Variants in TNS3 observed in about 807,000 individuals in gnomAD.
TNS3 encodes the protein tensin-3.
TNS3 carries 45 observed loss-of-function variants against 140.9 expected under a neutral mutation model. The observed-to-expected ratio is 0.32, with a 90% confidence interval of 0.25 to 0.41. The LOEUF is 0.41. Ranked by LOEUF, TNS3 falls within the 10% of genes least tolerant of loss-of-function variation. The pLI is 1.00. For missense variants in TNS3, 1,716 were observed against 1,906.7 expected (o/e 0.90, Z 1.86); for synonymous variants, 815 against 788.4 (o/e 1.03, Z -0.56).
intron 1 of TNS3, among the ~76,000 whole-genome samples, chr7:47,531,621 T>C (rs1799406535): frequency 6.6e-6 from 1 of 152,226 alleles, no homozygotes; most frequent in Non-Finnish European, 1.5e-5. Context: ...ATGTGACATA[T>C]GTAAAAGTAA....
At chr7:47,393,965 CAG>C (rs1792679862) in intron 16 of TNS3, among the ~76,000 whole-genome samples, 1 of 152,138 alleles carries the variant, frequency 6.6e-6, no homozygotes, top group Non-Finnish European at 1.5e-5. Flanking sequence ...CTCGGTGACA[CAG>C]AGTCCCGAGT....
At chr7:47,492,745 G>C (rs1012870946) in intron 3 of TNS3, among the ~76,000 whole-genome samples, 4 of 152,216 alleles carry the variant, frequency 2.6e-5, no homozygotes, top group Non-Finnish European at 4.4e-5. Flanking sequence ...ACAGTTTTCC[G>C]AGGCTTTTAA....
chr7:47,280,685 G>T (rs937202858), intron 28 of TNS3, among the ~76,000 whole-genome samples: 1 of 152,102 alleles, frequency 6.6e-6, no homozygotes, highest in Non-Finnish European at 1.5e-5. Flanking sequence ...AGGCTGAGGC[G>T]GGTTGATCAC....
At chr7:47,495,774 G>T (rs1277771427) in intron 3 of TNS3, among the ~76,000 whole-genome samples, 1 of 152,216 alleles carries the variant, frequency 6.6e-6, no homozygotes, top group Non-Finnish European at 1.5e-5. Flanking sequence ...AATGACTGTA[G>T]TAGAAATTTT....
chr7:47,574,651 C>CA (rs1800635187), intron 1 of TNS3, among the ~76,000 whole-genome samples: 3 of 136,860 alleles, frequency 2.2e-5, no homozygotes, highest in Admixed American at 7.2e-5. Context: ...ACACACACCC[C>CA]CACACACACG....
At chr7:47,474,712 GCA>G (rs967667096) in intron 4 of TNS3, among the ~76,000 whole-genome samples, 8 of 101,582 alleles carry the variant, frequency 7.9e-5, no homozygotes, top group East Asian at 3.1e-4. Context: ...AACACACACA[GCA>G]CAGACATGTA....
intron 9 of TNS3, among the ~76,000 whole-genome samples, chr7:47,427,677 C>T (rs1361008583): frequency 1.3e-5 from 2 of 152,068 alleles, no homozygotes; most frequent in Non-Finnish European, 2.9e-5. Flanking sequence ...TTAGGGGACC[C>T]GAGTGGCACC....
chr7:47,478,938 TACAC>T (rs145018052), intron 4 of TNS3, among the ~76,000 whole-genome samples: 9 of 150,254 alleles, frequency 6.0e-5, no homozygotes, highest in African/African-American at 1.7e-4. Flanking sequence ...ACACACATAA[TACAC>T]ACACACACAC....
At chr7:47,431,247 A>T (rs1047591975) in intron 8 of TNS3, among the ~76,000 whole-genome samples, 3 of 152,212 alleles carry the variant, frequency 2.0e-5, no homozygotes, top group Admixed American at 6.5e-5. Context: ...TGTAAGAGGA[A>T]GGTTTATGGC....
rs1562866257 is a variant in TNS3, at chr7:47,577,658, C to A, written c.-265+4393G>T. On this transcript the variant is annotated intron_variant, in intron 1 of 30. Coordinates refer to ENST00000311160, the MANE Select transcript of TNS3 (RefSeq NM_022748.12). Reference sequence around the variant, plus strand: ...AGCGCTCTCTTCCAGAAAAGGGAGACCATCAGGATGGCATACATGCACGGT... The same window carrying A: ...AGCGCTCTCTTCCAGAAAAGGGAGAACATCAGGATGGCATACATGCACGGT... Among the ~76,000 whole-genome samples the A allele has an allele frequency of 3.3e-5, 5 of 152,212 alleles. No individual in the cohort carries two copies. In the South Asian group the frequency reaches 1.0e-3, roughly 31 times the overall value.
chr7:47,348,590 T>C (rs1452604045), intron 17 of TNS3, among the ~76,000 whole-genome samples: 1 of 152,228 alleles, frequency 6.6e-6, no homozygotes, highest in Non-Finnish European at 1.5e-5. Flanking sequence ...AAATCACCGA[T>C]TTGAGCATTG....
chr7:47,369,383 C>T lies in TNS3; in HGVS notation c.1263G>A (p.Glu421=). Residue 421 remains glutamate (E), a synonymous_variant, in exon 17 of 31, where the codon GAG becomes GAA. Coordinates refer to ENST00000311160, the MANE Select transcript of TNS3 (RefSeq NM_022748.12). ...TGAGCAGCTGGTCCAACTCTGCCTTCTCCTGGGCACTCAGGCCCCTCCTGG... is the reference window on the plus strand; with the variant it reads ...TGAGCAGCTGGTCCAACTCTGCCTTTTCCTGGGCACTCAGGCCCCTCCTGG... The part of the protein sequence containing the change: ...PGTRRGLSAQ[E]KAELDQLLSG... 6.2e-7 allele frequency: 1 copy of T among 1,614,186 alleles called. No homozygotes were observed. The highest frequency in any genetic ancestry group is 8.5e-7 in the Non-Finnish European group (1 of 1,180,030).
chr7:47,390,572 A>G (rs1584547018), intron 16 of TNS3, among the ~76,000 whole-genome samples: 1 of 152,228 alleles, frequency 6.6e-6, no homozygotes, highest in East Asian at 1.9e-4. Flanking sequence ...ATCCACTTAA[A>G]GTGGCAGAGC....
intron 30 of TNS3, chr7:47,279,201 G>A (rs1785013935): frequency 6.6e-6 from 1 of 152,344 alleles, no homozygotes; most frequent in African/African-American, 2.4e-5. Context: ...GGATTCCAGG[G>A]AAGGATGCCT....
At chr7:47,427,958 G>C (rs1390320342) in intron 9 of TNS3, among the ~76,000 whole-genome samples, 1 of 152,200 alleles carries the variant, frequency 6.6e-6, no homozygotes, top group Non-Finnish European at 1.5e-5. Context: ...AGCTGATTTA[G>C]TGAGACCACT....
chr7:47,347,126 T>C (rs974697856), intron 17 of TNS3, among the ~76,000 whole-genome samples: 7 of 152,338 alleles, frequency 4.6e-5, no homozygotes, highest in African/African-American at 1.7e-4. Context: ...AGTCTGAATA[T>C]GCAAACCCAA....
chr7:47,429,125 T>C (rs1191638574), intron 8 of TNS3, among the ~76,000 whole-genome samples: 2 of 152,194 alleles, frequency 1.3e-5, no homozygotes, highest in Non-Finnish European at 2.9e-5. Context: ...TCCCACAACT[T>C]GTGAGCTAAG....
chr7:47,573,666 T>G (rs879480060), intron 1 of TNS3, among the ~76,000 whole-genome samples: 36 of 152,074 alleles, frequency 2.4e-4, no homozygotes, highest in Admixed American at 6.5e-4. Flanking sequence ...GAAACACCAG[T>G]TGACTCCAGA....
chr7:47,375,950 C>T (rs1791357541), intron 16 of TNS3, among the ~76,000 whole-genome samples: 1 of 152,180 alleles, frequency 6.6e-6, no homozygotes, highest in African/African-American at 2.4e-5. Context: ...GGTATTGATG[C>T]TAAGAATCTC....
Sources: allele counts gnomAD v4.1 joint callset (sites outside exome capture counted in the v4.1 genomes callset), GRCh38; gene constraint gnomAD v4.1.1; transcripts MANE v1.5; gene names NCBI Gene and HGNC (gene_info 2026-07-23, HGNC 2026-07-21).